MDFIC2: variants seen among roughly 807,000 people sequenced by gnomAD.
MDFIC2 encodes myoD family inhibitor domain-containing protein 2.
chr3:70,236,207 C>T (rs1316811520), intron 2 of MDFIC2, among the ~76,000 whole-genome samples: 1 of 152,124 alleles, frequency 6.6e-6, no homozygotes, highest in Admixed American at 6.5e-5. Flanking sequence ...CGACTTGGCC[C>T]CTTGTGATCT....
intron 2 of MDFIC2, among the ~76,000 whole-genome samples, chr3:70,217,095 A>C (rs546887677): frequency 6.6e-6 from 1 of 152,218 alleles, no homozygotes; most frequent in South Asian, 2.1e-4. Flanking sequence ...TATGGTGTAC[A>C]TGTATTTCCC....
chr3:70,291,243 G>C (rs972605845), intron 2 of MDFIC2: 1 of 152,084 alleles, frequency 6.6e-6, no homozygotes, highest in African/African-American at 2.4e-5. Flanking sequence ...ATTGACCTCA[G>C]GTAAGTTACA....
chr3:70,273,742 T>C (rs1367774953), intron 2 of MDFIC2, among the ~76,000 whole-genome samples: 1 of 152,164 alleles, frequency 6.6e-6, no homozygotes, highest in Non-Finnish European at 1.5e-5. Context: ...AAAGAGTAGC[T>C]TTTTCAGATT....
intron 2 of MDFIC2, among the ~76,000 whole-genome samples, chr3:70,235,321 T>A (rs1172469333): frequency 6.6e-6 from 1 of 152,212 alleles, no homozygotes; most frequent in Admixed American, 6.5e-5. Flanking sequence ...TTGTGCACTA[T>A]TTTTTCCATC....
At chr3:70,305,433 T>C (rs1322472872) in intron 2 of MDFIC2, among the ~76,000 whole-genome samples, 1 of 152,168 alleles carries the variant, frequency 6.6e-6, no homozygotes, top group East Asian at 1.9e-4. Flanking sequence ...AAATAAGCAT[T>C]AGTGTGGCTT....
Position 70,195,827 on chromosome 3 carries a change from A to T in MDFIC2, c.*1099T>A, listed in dbSNP as rs1444624743. Among the ~76,000 whole-genome samples the T allele has an allele frequency of 6.6e-6, 1 of 152,216 alleles. No homozygotes were observed. The highest frequency in any genetic ancestry group is 1.5e-5 in the Non-Finnish European group (1 of 68,030). ...ACATTCCAAAGTAACTTTAACCTAG[A>T]TGTGTTTTCACCACAAACTGTTTAA... On this transcript the variant is annotated 3_prime_UTR_variant, in exon 4 of 4. Coordinates refer to ENST00000567252, the MANE Select transcript of MDFIC2 (RefSeq NM_001364677.1).
chr3:70,237,091 G>T (rs930061411), intron 2 of MDFIC2, among the ~76,000 whole-genome samples: 3 of 152,066 alleles, frequency 2.0e-5, no homozygotes, highest in Admixed American at 6.6e-5. Context: ...ATCAGTTTGG[G>T]ATAAAGCTTT....
Position 70,195,627 on chromosome 3 carries a change from C to A in MDFIC2, c.*1299G>T, listed in dbSNP as rs1430324884. On this transcript the variant is annotated 3_prime_UTR_variant, in exon 4 of 4. Coordinates refer to ENST00000567252, the MANE Select transcript of MDFIC2 (RefSeq NM_001364677.1). Reference sequence around the variant, plus strand: ...TGTTGCTGTTTCCCTAAATTACACACAAAAAAATTCCCTCAATTCTCCATT... The same window carrying A: ...TGTTGCTGTTTCCCTAAATTACACAAAAAAAAATTCCCTCAATTCTCCATT... Among the ~76,000 whole-genome samples the A allele has an allele frequency of 6.6e-6, 1 of 152,080 alleles. No homozygotes were observed. Among genetic ancestry groups the A allele is most frequent in the African/African-American group, 2.4e-5 (1 of 41,438 alleles).
intron 2 of MDFIC2, among the ~76,000 whole-genome samples, chr3:70,283,338 T>C (rs1702107624): frequency 6.6e-6 from 1 of 152,074 alleles, no homozygotes; most frequent in African/African-American, 2.4e-5. Flanking sequence ...TGCTCAATAG[T>C]GGCTGAATGA....
chr3:70,205,407 A>G (rs1167983787), intron 3 of MDFIC2: 2 of 152,142 alleles, frequency 1.3e-5, no homozygotes, highest in Non-Finnish European at 1.5e-5. Context: ...TCTGGCCTAA[A>G]GCATTCATGA....
chr3:70,214,097 G>C (rs1701381445), intron 2 of MDFIC2, among the ~76,000 whole-genome samples: 1 of 152,084 alleles, frequency 6.6e-6, no homozygotes, highest in Non-Finnish European at 1.5e-5. Flanking sequence ...GAAATGAATG[G>C]AAATAAGTAA....
chr3:70,274,082 TGTGTGTGTGC>T lies in MDFIC2; in HGVS notation c.88+37794_88+37803del, dbSNP rs1317046040. On this transcript the variant is annotated intron_variant, in intron 2 of 3. Transcript: ENST00000567252. ...GTGTGTGTGTGTGTGTGTGTGTGTG[TGTGTGTGTGC>T]GCGCGCGCATGTGTGTGTGTGAGAC... Among the ~76,000 whole-genome samples the T allele has an allele frequency of 4.1e-3, 610 of 149,550 alleles. 9 individuals carry two copies. Among genetic ancestry groups the T allele is most frequent in the African/African-American group, 0.012 (501 of 40,674 alleles).
intron 2 of MDFIC2, among the ~76,000 whole-genome samples, chr3:70,290,218 T>A (rs1407723820): frequency 6.6e-6 from 1 of 152,142 alleles, no homozygotes; most frequent in Non-Finnish European, 1.5e-5. Flanking sequence ...TTGATGATGG[T>A]GATGTACAGA....
At position 70,255,777 on chromosome 3, in the gene MDFIC2, C is replaced by T. The variant is rs527942984; in HGVS notation, c.89-48987G>A. ...CAGCCAGGGGGCTATTTTTCAACTG[C>T]AGCTTATGTGCCCTCTGAACATTAG... On this transcript the variant is annotated intron_variant, in intron 2 of 3. Coordinates refer to ENST00000567252, the MANE Select transcript of MDFIC2 (RefSeq NM_001364677.1). Among the ~76,000 whole-genome samples, 30 of 152,286 alleles carry T rather than the reference C, an allele frequency of 2.0e-4. 2 individuals carry two copies. In the South Asian group the frequency reaches 6.2e-3, roughly 32 times the overall value.
intron 3 of MDFIC2, among the ~76,000 whole-genome samples, chr3:70,198,332 T>A (rs955189482): frequency 6.6e-6 from 1 of 152,202 alleles, no homozygotes; most frequent in Admixed American, 6.5e-5. Flanking sequence ...CAATGGGGAG[T>A]ATATAAGCAT....
At chr3:70,223,576 T>C (rs7427245) in intron 2 of MDFIC2, among the ~76,000 whole-genome samples, 151,722 of 152,294 alleles carry the variant, frequency 1, 75,579 homozygotes, top group East Asian at 1. Flanking sequence ...AATGAGAACT[T>C]GATTGAAAAA....
At chr3:70,294,218 T>C (rs1364534955) in intron 2 of MDFIC2, among the ~76,000 whole-genome samples, 1 of 152,194 alleles carries the variant, frequency 6.6e-6, no homozygotes, top group Non-Finnish European at 1.5e-5. Context: ...ACTTATTCTT[T>C]AGAATAAAAA....
chr3:70,230,330 A>G (rs573411647), intron 2 of MDFIC2, among the ~76,000 whole-genome samples: 13 of 152,200 alleles, frequency 8.5e-5, no homozygotes, highest in Non-Finnish European at 1.6e-4. Flanking sequence ...CTGCAACGAA[A>G]TTTCACTGCA....
At chr3:70,303,699 T>C (rs1395602819) in intron 2 of MDFIC2, among the ~76,000 whole-genome samples, 48 of 152,194 alleles carry the variant, frequency 3.2e-4, no homozygotes, top group Admixed American at 3.1e-3. Flanking sequence ...TTTATTTTTC[T>C]GAGGTGGAGT....
Sources: gnomAD v4.1 joint callset for allele counts (sites outside exome capture counted in the v4.1 genomes callset) on GRCh38, gnomAD v4.1.1 for gene constraint, MANE v1.5 for transcripts, NCBI Gene and HGNC (gene_info 2026-07-23, HGNC 2026-07-21) for gene names.